B3GAT1: variants seen among roughly 807,000 people sequenced by gnomAD.
B3GAT1 encodes the protein beta-1,3-glucuronyltransferase 1.
B3GAT1 carries 11 observed loss-of-function variants against 28.4 expected under a neutral mutation model. That is an observed-to-expected ratio of 0.39 (90% CI 0.24 to 0.64). B3GAT1 has a LOEUF of 0.64. B3GAT1 is among the 30% of genes least tolerant of loss of function. The probability of loss-of-function intolerance (pLI) is 0.50; values close to 1 mark genes in which losing one functional copy is unlikely to be tolerated. For missense variants in B3GAT1, 375 were observed against 491.0 expected (o/e 0.76, Z 2.23); for synonymous variants, 255 against 223.1 (o/e 1.14, Z -1.27).
Position 134,383,893 on chromosome 11 carries a change from G to A in B3GAT1, c.408C>T (p.Asp136=), listed in dbSNP as rs756640281. The change falls in exon 3 of 6, where the codon GAC becomes GAT. Residue 136 remains aspartate (D), a synonymous_variant. Transcript: ENST00000312527. ...GCAGGTGCGTGTAGTTGAGGCCGGT[G>A]TCGCGCAGCAGGCGCGCGGTCAGCG... ...RTPLTARLLR[D]TGLNYTHLHV... 2.2e-5 allele frequency: 35 copies of A among 1,596,070 alleles called. No homozygotes were observed. The highest frequency in any genetic ancestry group is 2.9e-5 in the Non-Finnish European group (34 of 1,175,376).
intron 2 of B3GAT1, chr11:134,386,093 G>A (rs1432077608): frequency 6.6e-6 from 1 of 152,300 alleles, no homozygotes; most frequent in South Asian, 2.1e-4. Flanking sequence ...GTCGGGAGGA[G>A]AGGATGATGT....
rs1180076018 is a variant in B3GAT1, at chr11:134,393,883, G to A, written c.-281-5943C>T. ...AGGAACCCCAGTGCCCCCAAAGAGA[G>A]GGAGGGACAGGCTTTGTCCCACAGA... is the stretch of plus-strand genomic sequence containing the variant. On this transcript the variant is annotated intron_variant, in intron 1 of 5. Coordinates refer to ENST00000312527, the MANE Select transcript of B3GAT1 (RefSeq NM_054025.3). This position sits in a 1 kb window ranked among gnomAD's most constrained non-coding sequence, Gnocchi z 4.0. Among the ~76,000 whole-genome samples, 1 of 152,194 alleles carries A rather than the reference G, an allele frequency of 6.6e-6. No homozygotes were observed. The highest frequency in any genetic ancestry group is 2.4e-5 in the African/African-American group (1 of 41,460).
At chr11:134,390,766 G>A (rs900267207) in intron 1 of B3GAT1, 1 of 152,286 alleles carries the variant, frequency 6.6e-6, no homozygotes, top group African/African-American at 2.4e-5. Flanking sequence ...GGAAATGGTG[G>A]AGCTGGAATT....
rs1270916251 is a variant in B3GAT1, at chr11:134,381,935, G to A, written c.*3C>T. The A allele has an allele frequency of 4.3e-6, 7 of 1,613,576 alleles. No homozygotes were observed. The highest frequency in any genetic ancestry group is 5.9e-6 in the Non-Finnish European group (7 of 1,179,896). On this transcript the variant is annotated 3_prime_UTR_variant, in exon 5 of 6. Transcript: ENST00000312527. ...CGTCATGCCCATACCTGCATCCTGAGGCTCAGATCTCCACCGAGGGGTCAG... is the reference window on the plus strand; with the variant it reads ...CGTCATGCCCATACCTGCATCCTGAAGCTCAGATCTCCACCGAGGGGTCAG...
intron 1 of B3GAT1, among the ~76,000 whole-genome samples, chr11:134,405,562 A>C (rs1300472572): frequency 6.6e-6 from 1 of 152,078 alleles, no homozygotes; most frequent in African/African-American, 2.4e-5. Context: ...CAGCCGTCTG[A>C]GGGAGAAGAG....
Position 134,398,693 on chromosome 11 carries a change from C to T in B3GAT1, c.-281-10753G>A, listed in dbSNP as rs546582675. On this transcript the variant is annotated intron_variant, in intron 1 of 5. Transcript: ENST00000312527. ...GCAGGGGTCCTTGCCGTGCCTCTGT[C>T]CCACCTCTCCTGGCCCTGGGTCCAC... 1.2e-3 allele frequency among the ~76,000 whole-genome samples: 184 copies of T among 152,056 alleles called. 1 individual carries two copies. Among genetic ancestry groups the T allele is most frequent in the Non-Finnish European group, 9.3e-4 (63 of 68,012 alleles).
intron 4 of B3GAT1, 112 bp from the exon 5 acceptor site, chr11:134,382,136 C>T (rs117247957): frequency 0.024 from 20,416 of 834,808 alleles, 346 homozygotes; most frequent in Non-Finnish European, 0.029. Context: ...CCTTTTCCTT[C>T]GAGAGTTTTT....
intron 1 of B3GAT1, among the ~76,000 whole-genome samples, chr11:134,397,876 G>C (rs369073594): frequency 1.3e-4 from 20 of 152,278 alleles, no homozygotes; most frequent in African/African-American, 4.3e-4. Flanking sequence ...AGGGGGCCCC[G>C]CAGTGAGGAA....
chr11:134,382,071 C>T, intron 4 of B3GAT1, 47 bp from the exon 5 acceptor site: 1 of 1,531,540 alleles, frequency 6.5e-7, no homozygotes, highest in South Asian at 1.1e-5. Context: ...CCCCTGACCT[C>T]ACTCTGCTGC....
chr11:134,404,943 G>A (rs893378289), intron 1 of B3GAT1, among the ~76,000 whole-genome samples: 9 of 152,144 alleles, frequency 5.9e-5, no homozygotes, highest in African/African-American at 1.7e-4. Flanking sequence ...GGCCTGTGTC[G>A]GTCAGCTGCA....
At position 134,387,695 on chromosome 11, in the gene B3GAT1, C is replaced by T. The variant is rs766031807; in HGVS notation, c.-36G>A. Reference sequence around the variant, plus strand: ...GGCTGCACCCACGGCTCCTCATTACCTGAGTGGCGGTAAGTTCAGGAGAGG... The same window carrying T: ...GGCTGCACCCACGGCTCCTCATTACTTGAGTGGCGGTAAGTTCAGGAGAGG... On this transcript the variant is annotated 5_prime_UTR_variant, in exon 2 of 6. Transcript: ENST00000312527. 1 of 1,612,966 alleles carries T rather than the reference C, an allele frequency of 6.2e-7. No homozygotes were observed. Among genetic ancestry groups the T allele is most frequent in the East Asian group, 2.2e-5 (1 of 44,858 alleles).
At chr11:134,386,697 A>G (rs764591279) in intron 2 of B3GAT1, 3 of 152,154 alleles carry the variant, frequency 2.0e-5, no homozygotes, top group Non-Finnish European at 2.9e-5. Context: ...CAGAAATCCT[A>G]TTCCTCCCCC....
intron 1 of B3GAT1, among the ~76,000 whole-genome samples, chr11:134,410,300 C>T (rs1944829295): frequency 6.6e-6 from 1 of 152,228 alleles, no homozygotes; most frequent in African/African-American, 2.4e-5. Flanking sequence ...TCACCTGGAC[C>T]TGGAGTGATC....
chr11:134,411,065 A>C lies in B3GAT1; in HGVS notation c.-282+742T>G, dbSNP rs924917478. Among the ~76,000 whole-genome samples, 2 of 152,014 alleles carry C rather than the reference A, an allele frequency of 1.3e-5. No homozygotes were observed. Among genetic ancestry groups the C allele is most frequent in the Non-Finnish European group, 2.9e-5 (2 of 68,002 alleles). On this transcript the variant is annotated intron_variant, in intron 1 of 5. Transcript: ENST00000312527. The surrounding 1 kb of genome is among the most constrained non-coding windows in gnomAD (Gnocchi z 6.0). ...TGTGTGCATGTGGGGGTGGTTCTTGACCTTAGCTGCTTGGTACGGGGCTGT... is the reference window on the plus strand; with the variant it reads ...TGTGTGCATGTGGGGGTGGTTCTTGCCCTTAGCTGCTTGGTACGGGGCTGT...
intron 1 of B3GAT1, among the ~76,000 whole-genome samples, chr11:134,397,876 G>T (rs369073594): frequency 6.6e-6 from 1 of 152,160 alleles, no homozygotes; most frequent in Non-Finnish European, 1.5e-5. Flanking sequence ...AGGGGGCCCC[G>T]CAGTGAGGAA....
At chr11:134,392,104 G>A (rs1944421499) in intron 1 of B3GAT1, 1 of 152,270 alleles carries the variant, frequency 6.6e-6, no homozygotes, top group Non-Finnish European at 1.5e-5. Flanking sequence ...GCTCTGCGAA[G>A]ATGAAGGGAT....
chr11:134,382,338 T>C (rs1430228194), intron 4 of B3GAT1, among the ~76,000 whole-genome samples: 2 of 152,186 alleles, frequency 1.3e-5, no homozygotes, highest in African/African-American at 4.8e-5. Context: ...TGCATGTTCA[T>C]GTGCATATGT....
intron 1 of B3GAT1, among the ~76,000 whole-genome samples, chr11:134,398,327 G>A (rs1006644739): frequency 1.3e-5 from 2 of 152,158 alleles, no homozygotes; most frequent in Non-Finnish European, 2.9e-5. Flanking sequence ...AGTAGCTCAC[G>A]TGCCTGTCCT....
chr11:134,387,437 G>A (rs563490008), intron 2 of B3GAT1, 111 bp downstream of exon 2: 22 of 1,407,138 alleles, frequency 1.6e-5, no homozygotes, highest in African/African-American at 5.6e-5. Flanking sequence ...AGATGATCCC[G>A]TGGTTCCTCC....
Sources: gnomAD v4.1 joint callset for allele counts (sites outside exome capture counted in the v4.1 genomes callset) on GRCh38, gnomAD v4.1.1 for gene constraint, Gnocchi (gnomAD v3.1) non-coding constraint, MANE v1.5 for transcripts, NCBI Gene and HGNC (gene_info 2026-07-23, HGNC 2026-07-21) for gene names.